The following SLC24A3 variants were observed in gnomAD, a reference collection of about 807,000 sequenced individuals.
The protein encoded by SLC24A3 is sodium/potassium/calcium exchanger 3.
A neutral mutation model predicts 75.8 loss-of-function variants in SLC24A3; 28 were observed. The ratio of observed to expected loss-of-function variants is 0.37; its 90% CI spans 0.27 to 0.51. SLC24A3 has a LOEUF of 0.51. Ranked by LOEUF, SLC24A3 falls within the 20% of genes least tolerant of loss-of-function variation. SLC24A3 has a pLI of 0.94. For synonymous variants in SLC24A3, 372 were observed against 334.1 expected (o/e 1.11, Z -1.24); for missense variants, 663 against 847.8 (o/e 0.78, Z 2.71).
intron 6 of SLC24A3, among the ~76,000 whole-genome samples, chr20:19,609,527 C>G (rs754508483): frequency 6.6e-6 from 1 of 152,016 alleles, no homozygotes; most frequent in Non-Finnish European, 1.5e-5. Flanking sequence ...TTTTAAGCCC[C>G]GCATGCATTA....
chr20:19,693,052 T>A (rs2032762976), intron 12 of SLC24A3, among the ~76,000 whole-genome samples: 1 of 151,970 alleles, frequency 6.6e-6, no homozygotes, highest in Non-Finnish European at 1.5e-5. Flanking sequence ...GGGCAGTGGG[T>A]AATTTTTTTT....
intron 2 of SLC24A3, among the ~76,000 whole-genome samples, chr20:19,376,642 T>G (rs62855560): frequency 6.6e-6 from 1 of 151,388 alleles, no homozygotes; most frequent in African/African-American, 2.4e-5. Context: ...TTTTTTTTTT[T>G]GGTAGCTCCC....
intron 15 of SLC24A3, among the ~76,000 whole-genome samples, chr20:19,716,579 T>C (rs2033049261): frequency 6.6e-6 from 1 of 152,002 alleles, no homozygotes; most frequent in Admixed American, 6.6e-5. Context: ...CTGGGTGCAG[T>C]GTCTCATGCT....
At chr20:19,716,043 C>G (rs2033042092) in intron 15 of SLC24A3, among the ~76,000 whole-genome samples, 1 of 152,210 alleles carries the variant, frequency 6.6e-6, no homozygotes, top group Middle Eastern at 3.2e-3. Flanking sequence ...CTTAAACTTT[C>G]CTGTGCATCA....
intron 15 of SLC24A3, among the ~76,000 whole-genome samples, chr20:19,714,141 G>T (rs2033018468): frequency 6.6e-6 from 1 of 152,174 alleles, no homozygotes. Flanking sequence ...CGTGGCTCAT[G>T]CTTGTAATTC....
chr20:19,390,306 G>T (rs1986345078), intron 2 of SLC24A3, among the ~76,000 whole-genome samples: 1 of 152,150 alleles, frequency 6.6e-6, no homozygotes, highest in Non-Finnish European at 1.5e-5. Context: ...GCCATGTGTT[G>T]GTATCTGCCC....
At chr20:19,582,090 A>G (rs1168522510) in intron 4 of SLC24A3, among the ~76,000 whole-genome samples, 1 of 152,254 alleles carries the variant, frequency 6.6e-6, no homozygotes, top group Non-Finnish European at 1.5e-5. Flanking sequence ...GGGTGGGCTG[A>G]GGTCAGAGCT....
intron 3 of SLC24A3, among the ~76,000 whole-genome samples, chr20:19,530,348 C>T (rs143070550): frequency 2.0e-5 from 3 of 152,254 alleles, no homozygotes; most frequent in East Asian, 3.9e-4. Flanking sequence ...AACTGAGTGC[C>T]GAGGGCCTCT....
chr20:19,588,231 G>A (rs570056008), intron 6 of SLC24A3, among the ~76,000 whole-genome samples: 2 of 150,316 alleles, frequency 1.3e-5, no homozygotes, highest in Non-Finnish European at 3.0e-5. Context: ...GGAATGTTAC[G>A]GCAAAGGCTG....
intron 2 of SLC24A3, among the ~76,000 whole-genome samples, chr20:19,454,040 C>G (rs1367000398): frequency 2.0e-5 from 3 of 152,222 alleles, no homozygotes; most frequent in Admixed American, 6.5e-5. Flanking sequence ...TTCCTTGAAG[C>G]CTGACCAGCC....
chr20:19,369,655 A>G (rs892261677), intron 2 of SLC24A3, among the ~76,000 whole-genome samples: 1 of 152,168 alleles, frequency 6.6e-6, no homozygotes, highest in Non-Finnish European at 1.5e-5. Flanking sequence ...GAGAAAATAC[A>G]CTAAAATACT....
rs138066072 is a variant in SLC24A3 at position 19,430,774 on chromosome 20, G to GCA, written c.272-84699_272-84698dup. 0.028 allele frequency among the ~76,000 whole-genome samples: 4,173 copies of GCA among 150,228 alleles called. 369 individuals carry two copies. In the East Asian group the frequency reaches 0.36, roughly 13 times the overall value. ...GGTAGACTCACACACTTGCATGCAT[G>GCA]CACACACACACACACAGGCACTTGC... is the stretch of plus-strand genomic sequence containing the variant. On this transcript the variant is annotated intron_variant, in intron 2 of 16. Coordinates refer to ENST00000328041, the MANE Select transcript of SLC24A3 (RefSeq NM_020689.4).
chr20:19,592,624 G>A (rs1165348338), intron 6 of SLC24A3, among the ~76,000 whole-genome samples: 2 of 152,158 alleles, frequency 1.3e-5, no homozygotes, highest in East Asian at 1.9e-4. Flanking sequence ...ACCTCTCGTG[G>A]CCAGGGGTGA....
At chr20:19,702,725 A>G (rs1469595708) in intron 15 of SLC24A3, among the ~76,000 whole-genome samples, 1 of 152,188 alleles carries the variant, frequency 6.6e-6, no homozygotes, top group Non-Finnish European at 1.5e-5. Flanking sequence ...CAGTTTATGA[A>G]CTCCAGGGAA....
intron 2 of SLC24A3, among the ~76,000 whole-genome samples, chr20:19,339,131 T>C (rs1985207374): frequency 8.0e-6 from 1 of 124,856 alleles, no homozygotes; most frequent in South Asian, 2.7e-4. Context: ...TGTTTGTAAT[T>C]AATTTGAATG....
chr20:19,323,856 T>C (rs959236356), intron 2 of SLC24A3, among the ~76,000 whole-genome samples: 2 of 152,248 alleles, frequency 1.3e-5, no homozygotes, highest in African/African-American at 2.4e-5. Context: ...TAAAAAAGTT[T>C]TTTTGATAGC....
chr20:19,411,564 C>T (rs567326225), intron 2 of SLC24A3, among the ~76,000 whole-genome samples: 2 of 152,132 alleles, frequency 1.3e-5, no homozygotes, highest in Non-Finnish European at 2.9e-5. Context: ...AACTGAAAAC[C>T]CTGGCTGTTG....
chr20:19,257,514 CA>C (rs2122189047), intron 1 of SLC24A3: 1 of 152,310 alleles, frequency 6.6e-6, no homozygotes, highest in South Asian at 2.1e-4. Context: ...TGTCAAAACA[CA>C]AATCTCGGCC....
Position 19,722,682 on chromosome 20 carries a change from A to G in SLC24A3, c.*1542A>G, listed in dbSNP as rs972432675. The G allele has an allele frequency of 1.3e-5, 2 of 152,618 alleles. No homozygotes were observed. The highest frequency in any genetic ancestry group is 2.9e-5 in the Non-Finnish European group (2 of 68,036). The allele number at this position is 152,618 out of a possible 1,614,324, so 9.5% of individuals were successfully genotyped here. A position where few individuals can be genotyped will look rare whatever the true frequency, so the allele number is the denominator to read the frequency against. On this transcript the variant is annotated 3_prime_UTR_variant, in exon 17 of 17. Coordinates refer to ENST00000328041, the MANE Select transcript of SLC24A3 (RefSeq NM_020689.4). Reference sequence around the variant, plus strand: ...TACACATTCTGGTATGAATTTGTAAAAATAACCTGCTACAAATTGGTTGAA... The same window carrying G: ...TACACATTCTGGTATGAATTTGTAAGAATAACCTGCTACAAATTGGTTGAA...
Sources: gnomAD v4.1 joint callset for allele counts (sites outside exome capture counted in the v4.1 genomes callset) on GRCh38, gnomAD v4.1.1 for gene constraint, MANE v1.5 for transcripts, NCBI Gene and HGNC (gene_info 2026-07-23, HGNC 2026-07-21) for gene names.